Variants in CFAP61 observed in about 807,000 individuals in gnomAD.
CFAP61 encodes cilia- and flagella-associated protein 61.
CFAP61 carries 107 observed loss-of-function variants against 135.6 expected under a neutral mutation model. The ratio of observed to expected loss-of-function variants is 0.79; its 90% CI spans 0.67 to 0.93. The LOEUF (loss-of-function observed/expected upper bound fraction) is 0.93. Among genes scored for constraint, CFAP61 ranks in the 40% least tolerant of loss-of-function variants. The pLI is 0.00. For missense variants in CFAP61, 1,507 were observed against 1,556.2 expected, an observed-to-expected ratio of 0.97 and a Z score of 0.53; for synonymous variants, 575 against 578.5, an observed-to-expected ratio of 0.99 and a Z score of 0.09.
chr20:20,205,997 G>A (rs1601396723), intron 17 of CFAP61, among the ~76,000 whole-genome samples: 1 of 152,008 alleles, frequency 6.6e-6, no homozygotes, highest in African/African-American at 2.4e-5. Flanking sequence ...ATTTTTTGGG[G>A]TGGGGGTTGG....
chr20:20,286,112 T>G (rs1269011236), intron 22 of CFAP61, among the ~76,000 whole-genome samples: 4 of 152,142 alleles, frequency 2.6e-5, no homozygotes, highest in Non-Finnish European at 5.9e-5. Context: ...ACCCAAACTT[T>G]TAAATACTAA....
intron 17 of CFAP61, among the ~76,000 whole-genome samples, chr20:20,211,747 G>T (rs749019873): frequency 6.6e-6 from 1 of 152,154 alleles, no homozygotes; most frequent in Non-Finnish European, 1.5e-5. Flanking sequence ...ATAATTCAGT[G>T]CATTGAAATT....
intron 8 of CFAP61, among the ~76,000 whole-genome samples, chr20:20,125,194 T>C (rs1214726475): frequency 6.6e-6 from 1 of 151,602 alleles, no homozygotes; most frequent in Non-Finnish European, 1.5e-5. Context: ...TTATCTTTTG[T>C]ATTTTTTTTG....
intron 23 of CFAP61, among the ~76,000 whole-genome samples, chr20:20,289,359 C>CT (rs35148306): frequency 0.37 from 55,898 of 151,986 alleles, 10,531 homozygotes; most frequent in African/African-American, 0.43. Context: ...GATGGATAAG[C>CT]TTAACCATTT....
chr20:20,117,424 C>T (rs1413814067), intron 8 of CFAP61, among the ~76,000 whole-genome samples: 1 of 151,928 alleles, frequency 6.6e-6, no homozygotes, highest in African/African-American at 2.4e-5. Flanking sequence ...TCTGAGTTCT[C>T]TATTCTGTTC....
At chr20:20,261,056 T>C (rs1220930278) in intron 20 of CFAP61, among the ~76,000 whole-genome samples, 1 of 152,232 alleles carries the variant, frequency 6.6e-6, no homozygotes, top group Non-Finnish European at 1.5e-5. Context: ...TCTGCAATTT[T>C]GGTTACAGTA....
intron 7 of CFAP61, among the ~76,000 whole-genome samples, chr20:20,098,350 C>G (rs1387621498): frequency 1.3e-5 from 2 of 152,076 alleles, no homozygotes; most frequent in African/African-American, 4.8e-5. Flanking sequence ...TGGCTCATGC[C>G]TGTAATCCCA....
intron 6 of CFAP61, among the ~76,000 whole-genome samples, chr20:20,090,147 A>T (rs2047081447): frequency 6.6e-6 from 1 of 152,056 alleles, no homozygotes. Context: ...GGCCCATGAC[A>T]AGTGCTTCCC....
intron 17 of CFAP61, among the ~76,000 whole-genome samples, chr20:20,209,054 T>G (rs1569133478): frequency 6.6e-6 from 1 of 152,278 alleles, no homozygotes; most frequent in East Asian, 1.9e-4. Context: ...AAGTTAGGAG[T>G]TAAAAGGCAT....
chr20:20,108,481 G>A (rs1285499019), intron 8 of CFAP61, among the ~76,000 whole-genome samples: 1 of 151,980 alleles, frequency 6.6e-6, no homozygotes. Context: ...TAAGAAGAAG[G>A]TTACAAATAG....
chr20:20,130,555 A>G (rs956562220), intron 8 of CFAP61, among the ~76,000 whole-genome samples: 1 of 151,666 alleles, frequency 6.6e-6, no homozygotes, highest in Non-Finnish European at 1.5e-5. Flanking sequence ...TTGCTTATAG[A>G]TTCTGTGTAA....
rs1322157710 is a variant in CFAP61, at chr20:20,276,342, A to G, written c.2504-824A>G. 2.0e-5 allele frequency among the ~76,000 whole-genome samples: 3 copies of G among 149,786 alleles called. No homozygotes were observed. In the East Asian group the frequency reaches 5.8e-4, roughly 29 times the overall value. ...CTTACCTGGAAAATGAGTCTACAGC[A>G]GTTTATTTGTGAAAATGTGAAAATG... is the stretch of plus-strand genomic sequence containing the variant. On this transcript the variant is annotated intron_variant, in intron 21 of 26. Transcript: ENST00000245957.
intron 21 of CFAP61, among the ~76,000 whole-genome samples, chr20:20,266,614 C>T (rs1352054738): frequency 6.6e-6 from 1 of 152,112 alleles, no homozygotes; most frequent in Non-Finnish European, 1.5e-5. Flanking sequence ...ACAAGAGAAC[C>T]CTTGAATGAA....
At chr20:20,103,896 TAAAATAAA>T (rs1482850569) in intron 8 of CFAP61, among the ~76,000 whole-genome samples, 3 of 152,262 alleles carry the variant, frequency 2.0e-5, no homozygotes, top group East Asian at 3.9e-4. Context: ...ATTTAATAGT[TAAAATAAA>T]AAAATAAAAA....
chr20:20,059,326 CAAAAAAAAAAAAAAA>C (rs11458923), intron 2 of CFAP61, among the ~76,000 whole-genome samples: 1 of 45,494 alleles, frequency 2.2e-5, no homozygotes, highest in African/African-American at 8.4e-5. Flanking sequence ...GACTCTGTCT[CAAAAAAAAAAAAAAA>C]AAAAAAAAAA....
At chr20:20,151,670 C>G (rs932235440) in intron 9 of CFAP61, among the ~76,000 whole-genome samples, 15 of 151,518 alleles carry the variant, frequency 9.9e-5, no homozygotes, top group African/African-American at 3.6e-4. Flanking sequence ...ACTAAAAATA[C>G]AAAAACAAAA....
intron 8 of CFAP61, among the ~76,000 whole-genome samples, chr20:20,130,238 G>T (rs1209631987): frequency 6.6e-6 from 1 of 151,574 alleles, no homozygotes; most frequent in African/African-American, 2.4e-5. Context: ...GCAGTGAGCT[G>T]AGATCATGCC....
intron 2 of CFAP61, among the ~76,000 whole-genome samples, chr20:20,058,117 A>C (rs1206237778): frequency 6.6e-6 from 1 of 152,196 alleles, no homozygotes; most frequent in Non-Finnish European, 1.5e-5. Context: ...GAAATGTTTA[A>C]GCTAAGGCCA....
intron 3 of CFAP61, among the ~76,000 whole-genome samples, chr20:20,072,446 A>G (rs989118812): frequency 6.6e-6 from 1 of 151,974 alleles, no homozygotes; most frequent in African/African-American, 2.4e-5. Context: ...TCCTTTTCCT[A>G]GTAAATCACC....
Sources: gnomAD v4.1 joint callset for allele counts (sites outside exome capture counted in the v4.1 genomes callset) on GRCh38, gnomAD v4.1.1 for gene constraint, MANE v1.5 for transcripts, NCBI Gene and HGNC (gene_info 2026-07-23, HGNC 2026-07-21) for gene names.